The following LDLRAD4 variants were observed in gnomAD, a reference collection of about 807,000 sequenced individuals.
LDLRAD4 encodes the protein low density lipoprotein receptor class A domain containing 4.
In LDLRAD4, 5 loss-of-function variants were observed where a neutral mutation model predicts 17.0. The observed-to-expected ratio is 0.29, with a 90% CI of 0.15 to 0.62. The LOEUF (loss-of-function observed/expected upper bound fraction) is 0.62. Among genes scored for constraint, LDLRAD4 ranks in the 20% least tolerant of loss-of-function variants. The pLI is 0.84. For synonymous variants in LDLRAD4, 168 were observed against 171.8 expected (o/e 0.98, Z 0.17); for missense variants, 340 against 424.7 (o/e 0.80, Z 1.75).
At chr18:13,278,678 T>A (rs1219236785) in intron 1 of LDLRAD4, among the ~76,000 whole-genome samples, 2 of 152,212 alleles carry the variant, frequency 1.3e-5, no homozygotes, top group African/African-American at 4.8e-5. Context: ...TTCCCTATAT[T>A]TTTAATGTGC....
chr18:13,263,770 A>G (rs1489857321), intron 1 of LDLRAD4, among the ~76,000 whole-genome samples: 1 of 152,172 alleles, frequency 6.6e-6, no homozygotes, highest in Non-Finnish European at 1.5e-5. Flanking sequence ...TTTTAAGTGT[A>G]TGTTATGGTT....
At chr18:13,370,341 A>G (rs2084367185) in intron 1 of LDLRAD4, among the ~76,000 whole-genome samples, 2 of 152,246 alleles carry the variant, frequency 1.3e-5, no homozygotes, top group Non-Finnish European at 1.5e-5. Flanking sequence ...CATGGAGTCC[A>G]GGGTCCGGAG....
chr18:13,606,708 A>G (rs536076496), intron 3 of LDLRAD4, among the ~76,000 whole-genome samples: 1 of 152,222 alleles, frequency 6.6e-6, no homozygotes, highest in Admixed American at 6.5e-5. Flanking sequence ...TAAAATCCTC[A>G]TTCATGACTT....
At chr18:13,591,166 C>T (rs1293683) in intron 3 of LDLRAD4, among the ~76,000 whole-genome samples, 66,565 of 151,896 alleles carry the variant, frequency 0.44, 14,586 homozygotes, top group African/African-American at 0.46. Flanking sequence ...TGTGTCTTCT[C>T]TCTCTTAAAA....
intron 2 of LDLRAD4, among the ~76,000 whole-genome samples, chr18:13,407,216 T>C (rs2087851168): frequency 6.6e-6 from 1 of 152,218 alleles, no homozygotes; most frequent in South Asian, 2.1e-4. Flanking sequence ...GCGACTCTGG[T>C]GCACCCCTCA....
rs1387414966 is a variant in LDLRAD4 at position 13,387,640 on chromosome 18, A to T, written c.-83A>T. 1.6e-6 allele frequency: 2 copies of T among 1,260,092 alleles called. No individual in the cohort carries two copies. The highest frequency in any genetic ancestry group is 2.3e-6 in the Non-Finnish European group (2 of 862,322). The allele number at this position is 1,260,092 out of a possible 1,614,324, so 78.1% of individuals were successfully genotyped here. On this transcript the variant is annotated 5_prime_UTR_variant, in exon 2 of 6. It removes an upstream start codon present in the reference 5' UTR. Coordinates refer to ENST00000359446, the Ensembl canonical transcript of LDLRAD4. Reference sequence around the variant, plus strand: ...GAGCGATGGACTTGGACAGGCTAAGATGGAAGTGACCTGAGCCTCGCCCGG... The same window carrying T: ...GAGCGATGGACTTGGACAGGCTAAGTTGGAAGTGACCTGAGCCTCGCCCGG...
At chr18:13,472,270 G>A (rs1017205394) in intron 3 of LDLRAD4, 6 of 152,236 alleles carry the variant, frequency 3.9e-5, no homozygotes, top group African/African-American at 1.4e-4. Context: ...CAGGGCTGTC[G>A]AGCTCATTGA....
intron 3 of LDLRAD4, among the ~76,000 whole-genome samples, chr18:13,532,721 T>C (rs1361002743): frequency 6.6e-6 from 1 of 152,218 alleles, no homozygotes; most frequent in African/African-American, 2.4e-5. Flanking sequence ...GACAGAGGCA[T>C]GTTCATCTGT....
At chr18:13,317,902 A>G (rs2081014213) in intron 1 of LDLRAD4, among the ~76,000 whole-genome samples, 1 of 152,044 alleles carries the variant, frequency 6.6e-6, no homozygotes, top group Non-Finnish European at 1.5e-5. Flanking sequence ...AAAATTTTTT[A>G]TCATATGACA....
intron 3 of LDLRAD4, among the ~76,000 whole-genome samples, chr18:13,518,411 T>G (rs1234075754): frequency 1.3e-5 from 2 of 152,240 alleles, no homozygotes; most frequent in Non-Finnish European, 2.9e-5. Flanking sequence ...GATTGTCATT[T>G]TAAAAAGTCG....
chr18:13,323,980 G>A (rs925377755), intron 1 of LDLRAD4, among the ~76,000 whole-genome samples: 1 of 151,666 alleles, frequency 6.6e-6, no homozygotes, highest in Non-Finnish European at 1.5e-5. Flanking sequence ...CAGGAGAATC[G>A]CTTGAACCTG....
chr18:13,224,301 C>T (rs2041629456), intron 1 of LDLRAD4, among the ~76,000 whole-genome samples: 1 of 152,112 alleles, frequency 6.6e-6, no homozygotes, highest in African/African-American at 2.4e-5. Context: ...CCATCAGCCT[C>T]CCCATGGCAC....
intron 3 of LDLRAD4, among the ~76,000 whole-genome samples, chr18:13,475,586 G>GT (rs2092919538): frequency 6.6e-6 from 1 of 152,132 alleles, no homozygotes; most frequent in Admixed American, 6.5e-5. Context: ...AATGCAGTGT[G>GT]TTTTGTGGCC....
chr18:13,242,800 G>C (rs527665067), intron 1 of LDLRAD4, among the ~76,000 whole-genome samples: 3 of 152,304 alleles, frequency 2.0e-5, no homozygotes, highest in African/African-American at 7.2e-5. Flanking sequence ...CTCTAATAAA[G>C]GTAATTTTGA....
At chr18:13,321,929 A>G (rs2081268073) in intron 1 of LDLRAD4, among the ~76,000 whole-genome samples, 1 of 138,856 alleles carries the variant, frequency 7.2e-6, no homozygotes, top group Admixed American at 7.3e-5. Context: ...AAAAGAATAA[A>G]CACACAGACT....
At chr18:13,248,192 A>T (rs1033404229) in intron 1 of LDLRAD4, among the ~76,000 whole-genome samples, 2 of 150,740 alleles carry the variant, frequency 1.3e-5, no homozygotes, top group African/African-American at 4.9e-5. Flanking sequence ...CAAACTCCTG[A>T]CCTCGTGATC....
chr18:13,390,357 C>T (rs1013870598), intron 2 of LDLRAD4, among the ~76,000 whole-genome samples: 9 of 152,200 alleles, frequency 5.9e-5, no homozygotes, highest in Non-Finnish European at 7.3e-5. Flanking sequence ...CAGCGCCGCG[C>T]GGGGCACACT....
At position 13,453,703 on chromosome 18, in the gene LDLRAD4, A is replaced by C. The variant is rs1461081100; in HGVS notation, c.181+15319A>C. Among the ~76,000 whole-genome samples the C allele has an allele frequency of 2.0e-5, 3 of 152,202 alleles. No homozygotes were observed. The East Asian group carries it at 5.8e-4, about 29-fold the overall frequency. On this transcript the variant is annotated intron_variant, in intron 3 of 5. Transcript: ENST00000359446. ...ATGCGATGTCTTTGAGCCCCCGCTGAGATGAGAGCCCCAGCTCTGAGCAGT... is the reference window on the plus strand; with the variant it reads ...ATGCGATGTCTTTGAGCCCCCGCTGCGATGAGAGCCCCAGCTCTGAGCAGT...
At chr18:13,251,044 C>T (rs532310232) in intron 1 of LDLRAD4, among the ~76,000 whole-genome samples, 1 of 152,338 alleles carries the variant, frequency 6.6e-6, no homozygotes, top group Admixed American at 6.5e-5. Context: ...GAATGGGATT[C>T]ATCCCAGGGA....
Sources: allele counts gnomAD v4.1 joint callset (sites outside exome capture counted in the v4.1 genomes callset), GRCh38; gene constraint gnomAD v4.1.1; transcripts MANE v1.5; gene names NCBI Gene and HGNC (gene_info 2026-07-23, HGNC 2026-07-21).